Variants in ITPR1 observed in about 807,000 individuals in gnomAD.
The protein encoded by ITPR1 is inositol 1,4,5-trisphosphate-gated calcium channel ITPR1.
A neutral mutation model predicts 318.4 loss-of-function variants in ITPR1; 96 were observed. The ratio of observed to expected loss-of-function variants is 0.30; its 90% CI spans 0.26 to 0.36. The LOEUF is 0.36. Among genes scored for constraint, ITPR1 ranks in the 10% least tolerant of loss-of-function variants. The probability of loss-of-function intolerance (pLI) is 1.00; values close to 1 mark genes in which losing one functional copy is unlikely to be tolerated. For synonymous variants in ITPR1, 1,312 were observed against 1,289.9 expected, an observed-to-expected ratio of 1.02 and a Z score of -0.37; for missense variants, 2,440 against 3,460.2, an observed-to-expected ratio of 0.71 and a Z score of 7.40.
chr3:4,767,801 C>T (rs2045916393), intron 45 of ITPR1, among the ~76,000 whole-genome samples: 1 of 152,242 alleles, frequency 6.6e-6, no homozygotes, highest in Admixed American at 6.5e-5. Flanking sequence ...AGTCCAGCCA[C>T]TGCGCTGGAC....
intron 47 of ITPR1, 87 bp from the exon 48 acceptor site, chr3:4,777,177 T>A (rs2046536061): frequency 2.7e-6 from 2 of 740,810 alleles, no homozygotes; most frequent in Admixed American, 4.4e-5. Flanking sequence ...GTAAGCATTG[T>A]GTTGAAATAG....
At chr3:4,601,401 C>A (rs1221276000) in intron 4 of ITPR1, among the ~76,000 whole-genome samples, 1 of 151,694 alleles carries the variant, frequency 6.6e-6, no homozygotes, top group Non-Finnish European at 1.5e-5. Flanking sequence ...CACCTGTAGT[C>A]CCAGCTACTC....
intron 4 of ITPR1, among the ~76,000 whole-genome samples, chr3:4,612,738 T>C (rs1420501996): frequency 6.6e-6 from 1 of 151,904 alleles, no homozygotes; most frequent in Non-Finnish European, 1.5e-5. Context: ...AATACAAAAA[T>C]TAGCCAGGTG....
chr3:4,801,579 C>T lies in ITPR1; in HGVS notation c.7107+979C>T, dbSNP rs1221172859. Among the ~76,000 whole-genome samples, 3 of 152,046 alleles carry T rather than the reference C, an allele frequency of 2.0e-5. No homozygotes were observed. The East Asian group carries it at 5.8e-4, about 29-fold the overall frequency. On this transcript the variant is annotated intron_variant, in intron 54 of 61. Coordinates refer to ENST00000649015, the MANE Select transcript of ITPR1 (RefSeq NM_001378452.1). ...AGGAATTTGAGACCAGCCTGGCTAA[C>T]ATGGCAGAACCCTATCTCTACTAAA...
At chr3:4,740,766 C>T (rs368120687) in intron 44 of ITPR1, among the ~76,000 whole-genome samples, 13 of 152,316 alleles carry the variant, frequency 8.5e-5, no homozygotes, top group African/African-American at 2.6e-4. Flanking sequence ...ACATTGAACC[C>T]TCCGCTTATG....
At chr3:4,782,372 C>T in intron 49 of ITPR1, 1 of 328,064 alleles carries the variant, frequency 3.0e-6, no homozygotes. Context: ...CATTAACCAG[C>T]CACAGCATGT....
chr3:4,569,938 G>A (rs917318169), intron 4 of ITPR1, among the ~76,000 whole-genome samples: 1 of 152,136 alleles, frequency 6.6e-6, no homozygotes, highest in Non-Finnish European at 1.5e-5. Flanking sequence ...CTTCTTGTGG[G>A]AGTTTAACAT....
intron 4 of ITPR1, among the ~76,000 whole-genome samples, chr3:4,627,469 C>T (rs1197115496): frequency 1.3e-5 from 2 of 151,256 alleles, no homozygotes; most frequent in African/African-American, 4.9e-5. Context: ...GTCTTAAAAA[C>T]AAAAACAAAA....
intron 4 of ITPR1, among the ~76,000 whole-genome samples, chr3:4,568,977 C>T (rs1166526232): frequency 1.3e-5 from 2 of 151,770 alleles, no homozygotes; most frequent in Non-Finnish European, 2.9e-5. Context: ...AAAGCAGGAG[C>T]AAGAGAAGAA....
intron 44 of ITPR1, among the ~76,000 whole-genome samples, chr3:4,759,754 G>A (rs2045298887): frequency 6.6e-6 from 1 of 152,208 alleles, no homozygotes; most frequent in Admixed American, 6.5e-5. Flanking sequence ...GCTGAAAAAG[G>A]CATTTGGAAA....
chr3:4,735,438 A>AG, intron 44 of ITPR1, 84 bp downstream of exon 44: 1 of 1,193,272 alleles, frequency 8.4e-7, no homozygotes, highest in South Asian at 1.3e-5. Context: ...TCTGGGTGGT[A>AG]CCAAGCCTTG....
intron 33 of ITPR1, among the ~76,000 whole-genome samples, chr3:4,695,139 A>T (rs2094538157): frequency 6.6e-6 from 1 of 152,222 alleles, no homozygotes; most frequent in Non-Finnish European, 1.5e-5. Context: ...TGTGGAACTA[A>T]TTTATGATGT....
At chr3:4,503,279 A>G (rs1559349862) in intron 2 of ITPR1, among the ~76,000 whole-genome samples, 1 of 152,162 alleles carries the variant, frequency 6.6e-6, no homozygotes, top group Non-Finnish European at 1.5e-5. Context: ...AGCTGCTTTC[A>G]GGTCATATTG....
chr3:4,654,460 G>T (rs183309216), intron 12 of ITPR1, among the ~76,000 whole-genome samples: 3 of 152,290 alleles, frequency 2.0e-5, no homozygotes, highest in African/African-American at 4.8e-5. Flanking sequence ...AGACCATATC[G>T]CCAAGTAATG....
chr3:4,518,968 C>T (rs542834387), intron 3 of ITPR1, among the ~76,000 whole-genome samples: 1 of 152,206 alleles, frequency 6.6e-6, no homozygotes, highest in African/African-American at 2.4e-5. Flanking sequence ...TACAGCACAG[C>T]TTTAGTAAGC....
chr3:4,611,293 C>T (rs918679457), intron 4 of ITPR1, among the ~76,000 whole-genome samples: 6 of 149,254 alleles, frequency 4.0e-5, no homozygotes, highest in Non-Finnish European at 8.9e-5. Flanking sequence ...AGTGCAGTGG[C>T]TCACGCCTGT....
In ITPR1 at chr3:4,702,835, C is replaced by T. The variant is rs770868001; in HGVS notation, c.4542C>T (p.Arg1514=). 15 of 1,613,704 alleles carry T rather than the reference C, an allele frequency of 9.3e-6. No homozygotes were observed. In the Admixed American group the frequency reaches 2.5e-4, roughly 27 times the overall value. The change falls in exon 36 of 62, where the codon CGC becomes CGT. Residue 1514 remains arginine, a synonymous_variant. Coordinates refer to ENST00000649015, the MANE Select transcript of ITPR1 (RefSeq NM_001378452.1). ...FSDQSTTLQT[R]QPVFVQLLQG... ...CCTCTTTTGGCTTCTTGCAGACTCG[C>T]CAGCCTGTCTTTGTGCAACTGCTGC...
At chr3:4,502,425 A>C (rs2081088174) in intron 2 of ITPR1, among the ~76,000 whole-genome samples, 1 of 151,540 alleles carries the variant, frequency 6.6e-6, no homozygotes, top group South Asian at 2.1e-4. Context: ...TGGAAAAACT[A>C]ATTTTTTGTA....
Position 4,706,459 on chromosome 3 carries a change from A to G in ITPR1, c.4842+108A>G, listed in dbSNP as rs2094759471. On this transcript the variant is annotated intron_variant, in intron 37 of 61. Coordinates refer to ENST00000649015, the MANE Select transcript of ITPR1 (RefSeq NM_001378452.1). ...AGCATCTAAGCTGGGCCGTGGGAAG[A>G]TGTCGGTGTGCTGAACGAATAGTCA... The G allele has an allele frequency of 5.2e-6, 5 of 962,346 alleles. No individual in the cohort carries two copies. In the East Asian group the frequency reaches 1.3e-4, roughly 25 times the overall value. The allele number at this position is 962,346 out of a possible 1,614,324, so 59.6% of individuals were successfully genotyped here. A position where few individuals can be genotyped will look rare whatever the true frequency, so the allele number is the denominator to read the frequency against.
Sources: allele counts gnomAD v4.1 joint callset (sites outside exome capture counted in the v4.1 genomes callset), GRCh38; gene constraint gnomAD v4.1.1; transcripts MANE v1.5; gene names NCBI Gene and HGNC (gene_info 2026-07-23, HGNC 2026-07-21).